COL3A1: variants seen among roughly 807,000 people sequenced by gnomAD.
The protein encoded by COL3A1 is collagen alpha-1(III) chain.
Under a neutral mutation model 200.9 loss-of-function variants are expected in COL3A1, and 46 were observed. The observed-to-expected ratio is 0.23, with a 90% CI of 0.18 to 0.29. The LOEUF (loss-of-function observed/expected upper bound fraction) is 0.29, where lower values mean the gene tolerates loss of function less well. COL3A1 is among the 10% of genes least tolerant of loss of function. COL3A1 has a pLI of 1.00. For missense variants in COL3A1, 1,367 were observed against 1,917.6 expected (o/e 0.71, Z 5.36); for synonymous variants, 650 against 628.0 (o/e 1.03, Z -0.52).
intron 4 of COL3A1, 28 bp downstream of exon 4, chr2:188,985,806 T>C (rs1222452723): frequency 6.7e-7 from 1 of 1,500,666 alleles, no homozygotes; most frequent in Admixed American, 1.7e-5. Context: ...CTTAAAAAAT[T>C]CCCTCATAAA....
intron 23 of COL3A1, 31 bp from the exon 24 acceptor site, chr2:188,996,367 A>G: frequency 1.9e-6 from 3 of 1,562,586 alleles, no homozygotes; most frequent in Non-Finnish European, 2.6e-6. Flanking sequence ...CTCTTTATCA[A>G]ACCTTTATTA....
chr2:189,011,523 G>C (rs1489736969), intron 50 of COL3A1, 105 bp from the exon 51 acceptor site: 2 of 1,313,654 alleles, frequency 1.5e-6, no homozygotes, highest in East Asian at 4.7e-5. Flanking sequence ...AACATGGCAC[G>C]ATGAATGCTT....
At chr2:188,999,714 A>C in intron 31 of COL3A1, 128 bp from the exon 32 acceptor site, 1 of 1,353,352 alleles carries the variant, frequency 7.4e-7, no homozygotes, top group Non-Finnish European at 1.0e-6. Context: ...TTTAAGATGG[A>C]TTCCTAAAGC....
chr2:189,008,627 T>C lies in COL3A1; in HGVS notation c.3526-297T>C, dbSNP rs187817920. On this transcript the variant is annotated intron_variant, in intron 47 of 50. Coordinates refer to ENST00000304636, the MANE Select transcript of COL3A1 (RefSeq NM_000090.4). ...CTCTGTCATGTCAATATTGGAATTG[T>C]AGCTCACAGGTGTTTGCTTACATCA... 2.6e-4 allele frequency: 131 copies of C among 496,640 alleles called. 1 individual carries two copies. The East Asian group carries it at 4.8e-3, about 18-fold the overall frequency. The allele number at this position is 496,640 out of a possible 1,614,324, so 30.8% of individuals were successfully genotyped here.
intron 14 of COL3A1, 116 bp downstream of exon 14, chr2:188,992,344 TCTCTAATA>T: frequency 1.1e-6 from 1 of 894,148 alleles, no homozygotes; most frequent in Non-Finnish European, 1.8e-6. Flanking sequence ...CATATGTATA[TCTCTAATA>T]TACACATTAG....
rs1688636859 is a variant in COL3A1 at position 189,008,097 on chromosome 2, T to A, written c.3480T>A (p.Ile1160=). 1 of 1,613,986 alleles carries A rather than the reference T, an allele frequency of 6.2e-7. No homozygotes were observed. The highest frequency in any genetic ancestry group is 2.2e-5 in the East Asian group (1 of 44,874). The change falls in exon 47 of 51, where the codon ATT becomes ATA. Residue 1160 remains isoleucine (I), a synonymous_variant. Coordinates refer to ENST00000304636, the MANE Select transcript of COL3A1 (RefSeq NM_000090.4). ...GAACCAGTGGACATCCAGGTCCCAT[T>A]GGACCACCAGGGCCTCGAGGTAACA... ...KDGTSGHPGP[I]GPPGPRGNRG...
At chr2:188,981,652 T>C (rs995460045) in intron 1 of COL3A1, among the ~76,000 whole-genome samples, 3 of 151,482 alleles carry the variant, frequency 2.0e-5, no homozygotes, top group Non-Finnish European at 4.4e-5. Flanking sequence ...CTAAATCCCA[T>C]TTTCTATTCT....
chr2:188,999,257 T>C (rs1220195304), intron 29 of COL3A1, 28 bp from the exon 30 acceptor site: 1 of 1,548,490 alleles, frequency 6.5e-7, no homozygotes, highest in East Asian at 2.4e-5. Flanking sequence ...GGTTGTCTAA[T>C]ATGGTTATTT....
chr2:189,004,483 T>G, intron 40 of COL3A1, 119 bp downstream of exon 40: 1 of 917,366 alleles, frequency 1.1e-6, no homozygotes, highest in South Asian at 1.6e-5. Flanking sequence ...AGGAGATAAT[T>G]TTTTTTTATT....
chr2:189,003,758 C>T lies in COL3A1; in HGVS notation c.2632C>T (p.Arg878Cys), dbSNP rs766967934. 6.2e-7 allele frequency: 1 copy of T among 1,614,012 alleles called. No homozygotes were observed. Among genetic ancestry groups the T allele is most frequent in the Non-Finnish European group, 8.5e-7 (1 of 1,179,966 alleles). ...GGGTGCTGCTGGCTTCCCTGGTGCT[C>T]GTGGTCTTCCTGGTCCTCCTGGTAG... ...GPGAAGFPGA[R>C]GLPGPPGSNG... The change falls in exon 38 of 51, where the codon CGT becomes TGT. Residue 878 changes from arginine to cysteine, a missense_variant. By Grantham distance (180) the Arg-to-Cys change is radical. Coordinates refer to ENST00000304636, the MANE Select transcript of COL3A1 (RefSeq NM_000090.4).
intron 22 of COL3A1, 99 bp from the exon 23 acceptor site, chr2:188,996,026 C>A: frequency 8.1e-7 from 1 of 1,234,828 alleles, no homozygotes; most frequent in Non-Finnish European, 1.2e-6. Flanking sequence ...TCTGAGGCTT[C>A]ACATGTAAGT....
Position 188,992,899 on chromosome 2 carries a change from C to T in COL3A1, c.1009C>T (p.Pro337Ser), listed in dbSNP as rs1207440243. The T allele has an allele frequency of 4.3e-6, 7 of 1,613,810 alleles. No individual in the cohort carries two copies. The East Asian group carries it at 1.6e-4, about 36-fold the overall frequency. Residue 337 changes from proline to serine, a missense_variant, in exon 15 of 51, where the codon CCT becomes TCT. This residue lies in a region of COL3A1 where 462 missense variants were observed against 681.4 expected (regional missense o/e 0.68). Coordinates refer to ENST00000304636, the MANE Select transcript of COL3A1 (RefSeq NM_000090.4). Reference sequence around the variant, plus strand: ...TTAATTTTTTCAGGGCCCTCCTGGTCCTCCTGGAACTGCCGGATTCCCTGG... The same window carrying T: ...TTAATTTTTTCAGGGCCCTCCTGGTTCTCCTGGAACTGCCGGATTCCCTGG... ...GSDGQPGPPG[P>S]PGTAGFPGSP...
chr2:188,992,261 G>A (rs1172892726), intron 14 of COL3A1, 33 bp downstream of exon 14: 16 of 1,602,578 alleles, frequency 1.0e-5, no homozygotes, highest in East Asian at 2.2e-5. Context: ...TGTGTTGTAG[G>A]GTAATGAGAA....
At chr2:188,998,557 A>T (rs187075569) in intron 28 of COL3A1, 117 bp from the exon 29 acceptor site, 1 of 1,136,472 alleles carries the variant, frequency 8.8e-7, no homozygotes, top group Non-Finnish European at 1.3e-6. Context: ...CAGTATGCCA[A>T]CATGACAAAT....
rs776819930 is a variant in COL3A1, at chr2:189,002,370, A to G, written c.2445+19A>G. 7 of 1,610,160 alleles carry G rather than the reference A, an allele frequency of 4.3e-6. No homozygotes were observed. Among genetic ancestry groups the G allele is most frequent in the Non-Finnish European group, 5.9e-6 (7 of 1,176,592 alleles). On this transcript the variant is annotated intron_variant, in intron 35 of 50. Coordinates refer to ENST00000304636, the MANE Select transcript of COL3A1 (RefSeq NM_000090.4). ...TGCTCCTGTAAGTGTGAATATTTAT[A>G]CATACATGTCCCATAGCCCAGGATC...
At chr2:189,003,189 A>T in intron 36 of COL3A1, 127 bp downstream of exon 36, 1 of 850,944 alleles carries the variant, frequency 1.2e-6, no homozygotes, top group Non-Finnish European at 1.9e-6. Context: ...ATGGAAAAAC[A>T]TGGAGGTTTA....
Position 188,999,482 on chromosome 2 carries a change from C to G in COL3A1, c.2134C>G (p.Pro712Ala). 6.2e-7 allele frequency: 1 copy of G among 1,614,046 alleles called. No homozygotes were observed. Among genetic ancestry groups the G allele is most frequent in the Non-Finnish European group, 8.5e-7 (1 of 1,180,024 alleles). ...GPEGGKGAAG[P>A]PGPPGAAGTP... The stretch of plus-strand genomic sequence containing the variant: ...CACTTATTTTCAGGGTGCTGCTGGT[C>G]CTCCTGGGCCACCTGGTGCTGCTGG... The change falls in exon 31 of 51, where the codon CCT (proline) becomes GCT (alanine). Residue 712 changes from proline (P) to alanine (A), a missense_variant. Pro to Ala is a conservative substitution (Grantham distance 27, BLOSUM62 -1). Coordinates refer to ENST00000304636, the MANE Select transcript of COL3A1 (RefSeq NM_000090.4).
chr2:188,991,741 A>G lies in COL3A1; in HGVS notation c.951+19A>G, dbSNP rs1688195077. 3 of 1,613,560 alleles carry G rather than the reference A, an allele frequency of 1.9e-6. No homozygotes were observed. Among genetic ancestry groups the G allele is most frequent in the Non-Finnish European group, 2.5e-6 (3 of 1,179,572 alleles). On this transcript the variant is annotated intron_variant, in intron 13 of 50. Transcript: ENST00000304636. ...GGCTGCAGTGAGTATAGCTGCTAAC[A>G]TCACACAATTACAACCCAAAGTGAC...
At chr2:188,991,309 G>C (rs1456487908) in intron 11 of COL3A1, among the ~76,000 whole-genome samples, 178 bp from the exon 12 acceptor site, 2 of 152,004 alleles carry the variant, frequency 1.3e-5, no homozygotes, top group Non-Finnish European at 2.9e-5. Context: ...TAGTCTTTAA[G>C]TTTTTAAATA....
Sources: gnomAD v4.1 joint callset for allele counts (sites outside exome capture counted in the v4.1 genomes callset) on GRCh38, gnomAD v4.1.1 for gene constraint, gnomAD v4.1.1 regional missense constraint, MANE v1.5 for transcripts, NCBI Gene and HGNC (gene_info 2026-07-23, HGNC 2026-07-21) for gene names.